EFCAB11: variants seen among roughly 807,000 people sequenced by gnomAD.
EFCAB11 encodes EF-hand calcium-binding domain-containing protein 11.
A neutral mutation model predicts 23.0 loss-of-function variants in EFCAB11; 14 were observed. That is an observed-to-expected ratio of 0.61 (90% CI 0.40 to 0.95). The LOEUF (loss-of-function observed/expected upper bound fraction) is 0.95. Ranked by LOEUF, EFCAB11 falls within the 40% of genes least tolerant of loss-of-function variation. EFCAB11 has a pLI of 0.00. For synonymous variants in EFCAB11, 65 were observed against 66.6 expected, an observed-to-expected ratio of 0.98 and a Z score of 0.11; for missense variants, 198 against 195.8, an observed-to-expected ratio of 1.01 and a Z score of -0.07.
intron 3 of EFCAB11, among the ~76,000 whole-genome samples, chr14:89,940,138 T>C (rs1278835769): frequency 6.6e-6 from 1 of 152,226 alleles, no homozygotes; most frequent in African/African-American, 2.4e-5. Flanking sequence ...TCTAAATGGG[T>C]AATTAAATAA....
Position 89,813,758 on chromosome 14 carries a change from G to A in EFCAB11, c.411-16434C>T, listed in dbSNP as rs1886231681. Among the ~76,000 whole-genome samples, 3 of 151,844 alleles carry A rather than the reference G, an allele frequency of 2.0e-5. No individual in the cohort carries two copies. In the South Asian group the frequency reaches 6.2e-4, roughly 32 times the overall value. ...AGCTGATAGCTGAGGGAAAATTCAT[G>A]TTTGATAAAATCATTTTGTGAGTGA... On this transcript the variant is annotated intron_variant, in intron 5 of 5. Transcript: ENST00000316738.
chr14:89,948,346 G>A (rs1257290710), intron 3 of EFCAB11, among the ~76,000 whole-genome samples: 1 of 152,146 alleles, frequency 6.6e-6, no homozygotes, highest in African/African-American at 2.4e-5. Flanking sequence ...ACGCTGGCAA[G>A]GATATGGAGA....
intron 5 of EFCAB11, among the ~76,000 whole-genome samples, chr14:89,858,132 G>C (rs1887812042): frequency 6.6e-6 from 1 of 152,106 alleles, no homozygotes; most frequent in Non-Finnish European, 1.5e-5. Context: ...GTGGGCAATG[G>C]GGCTACCTCT....
intron 5 of EFCAB11, among the ~76,000 whole-genome samples, chr14:89,827,174 T>C (rs912814093): frequency 2.0e-5 from 3 of 152,154 alleles, no homozygotes; most frequent in Non-Finnish European, 2.9e-5. Context: ...GCCTCTACCA[T>C]CCTCAGGGCT....
chr14:89,931,563 T>C lies in EFCAB11; in HGVS notation c.388A>G (p.Arg130Gly). 6.2e-7 allele frequency: 1 copy of C among 1,614,186 alleles called. No individual in the cohort carries two copies. The highest frequency in any genetic ancestry group is 8.5e-7 in the Non-Finnish European group (1 of 1,180,012). ...FRQVAPKLPE[R>G]TVLEVFREVD... ...TACCTGAATACCTCAAGAACAGTCC[T>C]TTCCGGTAATTTGGGAGCCACCTGC... Residue 130 changes from arginine to glycine, a missense_variant, in exon 5 of 6, where the codon AGG (arginine) becomes GGG (glycine). Transcript: ENST00000316738.
intron 5 of EFCAB11, among the ~76,000 whole-genome samples, chr14:89,813,171 T>G (rs940350612): frequency 2.0e-5 from 3 of 152,164 alleles, no homozygotes; most frequent in African/African-American, 7.2e-5. Flanking sequence ...AAAATAATAC[T>G]CGGTCATTGG....
Position 89,908,647 on chromosome 14 carries a change from C to T in EFCAB11, c.410+22894G>A, listed in dbSNP as rs542623582. On this transcript the variant is annotated intron_variant, in intron 5 of 5. Transcript: ENST00000316738. ...TCTGAAAAAATAAAAAAATCTGAAA[C>T]ATTTCTGGTCCCAAGCACTTTGGAT... Among the ~76,000 whole-genome samples the T allele has an allele frequency of 9.9e-4, 150 of 152,224 alleles. No homozygotes were observed. In the South Asian group the frequency reaches 0.014, roughly 15 times the overall value.
intron 5 of EFCAB11, among the ~76,000 whole-genome samples, chr14:89,915,390 A>T (rs1889808527): frequency 6.6e-6 from 1 of 152,256 alleles, no homozygotes; most frequent in South Asian, 2.1e-4. Context: ...AATAACGCTT[A>T]TTAAGAAAGG....
intron 5 of EFCAB11, among the ~76,000 whole-genome samples, chr14:89,852,364 G>A (rs1009127220): frequency 1.3e-5 from 2 of 152,174 alleles, no homozygotes. Flanking sequence ...CCCAGCTGCT[G>A]GAGTGTTACC....
intron 5 of EFCAB11, among the ~76,000 whole-genome samples, chr14:89,899,055 C>T (rs780940740): frequency 1.1e-4 from 16 of 152,144 alleles, no homozygotes; most frequent in East Asian, 1.9e-4. Flanking sequence ...ACAAACTCTA[C>T]GGAGAGAATG....
chr14:89,806,250 C>T (rs1415719315), intron 5 of EFCAB11, among the ~76,000 whole-genome samples: 1 of 152,166 alleles, frequency 6.6e-6, no homozygotes, highest in Non-Finnish European at 1.5e-5. Context: ...GACAGCTAGA[C>T]ATATTTTAAA....
chr14:89,856,540 T>C (rs1370572392), intron 5 of EFCAB11, among the ~76,000 whole-genome samples: 1 of 152,174 alleles, frequency 6.6e-6, no homozygotes, highest in Non-Finnish European at 1.5e-5. Flanking sequence ...GCTGTACCAA[T>C]GTACATTCCC....
intron 5 of EFCAB11, among the ~76,000 whole-genome samples, chr14:89,875,532 A>C (rs1888411682): frequency 1.3e-5 from 2 of 152,208 alleles, no homozygotes; most frequent in African/African-American, 4.8e-5. Context: ...TTTGGTGACC[A>C]GTTGGTTATA....
At chr14:89,946,422 A>C (rs1443051865) in intron 3 of EFCAB11, among the ~76,000 whole-genome samples, 1 of 152,142 alleles carries the variant, frequency 6.6e-6, no homozygotes, top group African/African-American at 2.4e-5. Flanking sequence ...GTACTCTTTT[A>C]TCTAATTTAA....
At chr14:89,941,180 T>G (rs1394646432) in intron 3 of EFCAB11, among the ~76,000 whole-genome samples, 6 of 152,172 alleles carry the variant, frequency 3.9e-5, no homozygotes, top group Admixed American at 2.6e-4. Flanking sequence ...CTAGAAAAAT[T>G]GTTTTGTTGC....
At chr14:89,920,604 G>T (rs1889992518) in intron 5 of EFCAB11, among the ~76,000 whole-genome samples, 1 of 152,234 alleles carries the variant, frequency 6.6e-6, no homozygotes. Flanking sequence ...AACCCAAGAT[G>T]TTCCTGTGAG....
intron 5 of EFCAB11, among the ~76,000 whole-genome samples, chr14:89,827,013 T>C (rs1381623764): frequency 6.6e-6 from 1 of 152,160 alleles, no homozygotes; most frequent in Non-Finnish European, 1.5e-5. Flanking sequence ...ATTATATCAG[T>C]TGGGATTCGG....
intron 5 of EFCAB11, among the ~76,000 whole-genome samples, chr14:89,851,955 C>T (rs1887613002): frequency 6.6e-6 from 1 of 152,136 alleles, no homozygotes; most frequent in Admixed American, 6.6e-5. Context: ...CCAAAGGATA[C>T]CATCGAATGC....
intron 5 of EFCAB11, among the ~76,000 whole-genome samples, chr14:89,855,257 C>T (rs1004452914): frequency 4.0e-5 from 6 of 151,872 alleles, no homozygotes; most frequent in Non-Finnish European, 8.8e-5. Flanking sequence ...AGGAGAATCA[C>T]TTGAGCCCAG....
Sources: gnomAD v4.1 joint callset for allele counts (sites outside exome capture counted in the v4.1 genomes callset) on GRCh38, gnomAD v4.1.1 for gene constraint, MANE v1.5 for transcripts, NCBI Gene and HGNC (gene_info 2026-07-23, HGNC 2026-07-21) for gene names.